The following PAMR1 variants were observed in gnomAD, a reference collection of about 807,000 sequenced individuals.
PAMR1 encodes inactive serine protease PAMR1.
A neutral mutation model predicts 81.8 loss-of-function variants in PAMR1; 88 were observed. That is an observed-to-expected ratio of 1.08 (90% CI 0.91 to 1.28). The LOEUF (loss-of-function observed/expected upper bound fraction) is 1.28. Among genes scored for constraint, PAMR1 ranks in the 50% most tolerant of loss-of-function variants. The pLI, the probability that PAMR1 is intolerant of heterozygous loss-of-function variation, is 0.00. For synonymous variants in PAMR1, 336 were observed against 345.3 expected (o/e 0.97, Z 0.30); for missense variants, 935 against 919.7 (o/e 1.02, Z -0.21).
intron 1 of PAMR1, among the ~76,000 whole-genome samples, chr11:35,504,452 G>A (rs1850912271): frequency 6.6e-6 from 1 of 151,940 alleles, no homozygotes; most frequent in Non-Finnish European, 1.5e-5. Flanking sequence ...AGGAAAATTG[G>A]TATTAATTTT....
chr11:35,471,644 A>C (rs941495789), intron 4 of PAMR1, among the ~76,000 whole-genome samples: 2 of 152,202 alleles, frequency 1.3e-5, no homozygotes, highest in Admixed American at 6.5e-5. Context: ...GGGGTTAAGG[A>C]AACCTGACAC....
At position 35,487,689 on chromosome 11, in the gene PAMR1, A is replaced by G. The variant is rs560283764; in HGVS notation, c.379+4356T>C. On this transcript the variant is annotated intron_variant, in intron 3 of 10. Coordinates refer to ENST00000619888, the MANE Select transcript of PAMR1 (RefSeq NM_001001991.3). ...CCTCACTTCTACTCATTCTCAGCAGATATTTCACTCCCTACTTCCCAGAGA... is the reference window on the plus strand; with the variant it reads ...CCTCACTTCTACTCATTCTCAGCAGGTATTTCACTCCCTACTTCCCAGAGA... Among the ~76,000 whole-genome samples the G allele has an allele frequency of 3.9e-5, 6 of 152,308 alleles. No individual in the cohort carries two copies. In the East Asian group the frequency reaches 9.6e-4, roughly 24 times the overall value.
rs1041478286 is a variant in PAMR1 at position 35,432,242 on chromosome 11, T to G, written c.*114A>C. On this transcript the variant is annotated 3_prime_UTR_variant, in exon 11 of 11. Transcript: ENST00000619888. ...GTTTTGTCCCTGAAGTCAGAAGCCC[T>G]GGCACAGCCAAGTTCACAGGCCAAA... The G allele has an allele frequency of 3.0e-6, 3 of 998,846 alleles. No individual in the cohort carries two copies. The African/African-American group carries it at 4.8e-5, about 16-fold the overall frequency. 61.9% of individuals were successfully genotyped at this position (998,846 alleles called of 1,614,324 possible).
intron 3 of PAMR1, among the ~76,000 whole-genome samples, chr11:35,482,945 T>G (rs1466534865): frequency 6.6e-6 from 1 of 152,236 alleles, no homozygotes; most frequent in Admixed American, 6.5e-5. Flanking sequence ...TTTTAGTGCA[T>G]TTATTTTAAA....
upstream of PAMR1, among the ~76,000 whole-genome samples, chr11:35,527,409 T>C (rs1222165702): frequency 2.0e-5 from 3 of 152,198 alleles, no homozygotes; most frequent in African/African-American, 7.2e-5. Context: ...TTATCTCTAT[T>C]ATCTGACCTG....
At position 35,434,823 on chromosome 11, in the gene PAMR1, C is replaced by T; in HGVS notation, c.1334-19G>A. ...CCGCAGACTATGGAGAAAGTACCAG[C>T]TTAGTAAGATAAACTCAGACTTTGC... On this transcript the variant is annotated intron_variant, in intron 9 of 10. Transcript: ENST00000619888. 1 of 1,605,614 alleles carries T rather than the reference C, an allele frequency of 6.2e-7. No individual in the cohort carries two copies. The highest frequency in any genetic ancestry group is 8.5e-7 in the Non-Finnish European group (1 of 1,173,576).
upstream of PAMR1, among the ~76,000 whole-genome samples, chr11:35,527,446 T>C (rs1037137299): frequency 6.6e-6 from 1 of 152,162 alleles, no homozygotes; most frequent in Non-Finnish European, 1.5e-5. Flanking sequence ...CATCTCATGG[T>C]ATGAGTCTTG....
At chr11:35,500,808 T>C (rs1368063651) in intron 1 of PAMR1, among the ~76,000 whole-genome samples, 1 of 152,224 alleles carries the variant, frequency 6.6e-6, no homozygotes, top group African/African-American at 2.4e-5. Flanking sequence ...GTTACTGTAC[T>C]GAATACTATA....
rs759990195 is a variant in PAMR1 at position 35,449,554 on chromosome 11, C to T, written c.821-7861G>A. Among the ~76,000 whole-genome samples the T allele has an allele frequency of 4.6e-5, 7 of 152,306 alleles. No individual in the cohort carries two copies. The East Asian group carries it at 7.7e-4, about 17-fold the overall frequency. ...GGAATTCTTCTCTGTCCAAACCGTC[C>T]GATCTTTCTGGACCAGCAGGGGAAA... On this transcript the variant is annotated intron_variant, in intron 6 of 10. Transcript: ENST00000619888.
intron 6 of PAMR1, among the ~76,000 whole-genome samples, chr11:35,442,965 G>A (rs191331234): frequency 6.6e-6 from 1 of 152,150 alleles, no homozygotes; most frequent in Non-Finnish European, 1.5e-5. Flanking sequence ...GTGTACATGT[G>A]CAGAATTATT....
At chr11:35,436,267 C>G in intron 8 of PAMR1, 132 bp from the exon 9 acceptor site, 1 of 631,360 alleles carries the variant, frequency 1.6e-6, no homozygotes, top group South Asian at 1.9e-5. Context: ...CTCTGTCTCT[C>G]TCTATCTCTC....
At chr11:35,515,337 A>T (rs1378176595) in intron 1 of PAMR1, among the ~76,000 whole-genome samples, 1 of 152,206 alleles carries the variant, frequency 6.6e-6, no homozygotes, top group Non-Finnish European at 1.5e-5. Context: ...TCTGTCCACC[A>T]AAGGCAGCTG....
chr11:35,516,944 G>A (rs1029480257), intron 1 of PAMR1, among the ~76,000 whole-genome samples: 1 of 152,158 alleles, frequency 6.6e-6, no homozygotes, highest in African/African-American at 2.4e-5. Flanking sequence ...CTCTGTGAGA[G>A]GGGGGAAGGG....
At position 35,492,097 on chromosome 11, in the gene PAMR1, C is replaced by T; in HGVS notation, c.327G>A (p.Lys109=). 6.2e-7 allele frequency: 1 copy of T among 1,614,154 alleles called. No individual in the cohort carries two copies. Among genetic ancestry groups the T allele is most frequent in the South Asian group, 1.1e-5 (1 of 91,082 alleles). Residue 109 remains lysine, a synonymous_variant, in exon 3 of 11, where the codon AAG becomes AAA. Coordinates refer to ENST00000619888, the MANE Select transcript of PAMR1 (RefSeq NM_001001991.3). Reference sequence around the variant, plus strand: ...CTCGGCACTCTGCACAGTAGAACCCCTTCACATAGAAGTCATCCAAGGTAC... The same window carrying T: ...CTCGGCACTCTGCACAGTAGAACCCTTTCACATAGAAGTCATCCAAGGTAC... ...WGGTLDDFYV[K]GFYCAECRAG...
chr11:35,526,224 A>G (rs61879583), upstream of PAMR1, among the ~76,000 whole-genome samples: 32,936 of 152,040 alleles, frequency 0.22, 3,827 homozygotes, highest in Non-Finnish European at 0.26. Flanking sequence ...GCTACTGGAA[A>G]AAGTTTTCCT....
At chr11:35,485,553 G>T (rs1342250550) in intron 3 of PAMR1, among the ~76,000 whole-genome samples, 3 of 152,216 alleles carry the variant, frequency 2.0e-5, no homozygotes, top group Admixed American at 2.0e-4. Flanking sequence ...GCCTCAGGCC[G>T]TTTGCCCATC....
upstream of PAMR1, among the ~76,000 whole-genome samples, chr11:35,527,690 A>T (rs1160449985): frequency 6.6e-6 from 1 of 152,150 alleles, no homozygotes; most frequent in African/African-American, 2.4e-5. Context: ...GCCTCTCAGG[A>T]GTCTGTTTCA....
chr11:35,503,007 G>A (rs1850881658), intron 1 of PAMR1, among the ~76,000 whole-genome samples: 3 of 152,038 alleles, frequency 2.0e-5, no homozygotes, highest in African/African-American at 7.2e-5. Flanking sequence ...ATTTTGATTT[G>A]ATTTTATGTA....
intron 1 of PAMR1, among the ~76,000 whole-genome samples, chr11:35,506,333 G>C (rs1262752558): frequency 2.0e-5 from 3 of 151,770 alleles, no homozygotes; most frequent in Non-Finnish European, 4.4e-5. Flanking sequence ...TTTAGTATTA[G>C]AGTATTCTGG....
Sources: allele counts gnomAD v4.1 joint callset (sites outside exome capture counted in the v4.1 genomes callset), GRCh38; gene constraint gnomAD v4.1.1; transcripts MANE v1.5; gene names NCBI Gene and HGNC (gene_info 2026-07-23, HGNC 2026-07-21).